The following MAP4K3 variants were observed in gnomAD, a reference collection of about 807,000 sequenced individuals.
MAP4K3 encodes mitogen-activated protein kinase kinase kinase kinase 3.
A neutral mutation model predicts 143.5 loss-of-function variants in MAP4K3; 94 were observed. The ratio of observed to expected loss-of-function variants is 0.65; its 90% CI spans 0.55 to 0.78. MAP4K3 has a LOEUF of 0.78. Ranked by LOEUF, MAP4K3 falls within the 30% of genes least tolerant of loss-of-function variation. The pLI is 0.00. For missense variants in MAP4K3, 1,077 were observed against 1,068.1 expected (o/e 1.01, Z -0.12); for synonymous variants, 416 against 347.2 (o/e 1.20, Z -2.20).
At chr2:39,273,734 C>G (rs1247725048) in intron 24 of MAP4K3, among the ~76,000 whole-genome samples, 1 of 152,306 alleles carries the variant, frequency 6.6e-6, no homozygotes, top group Non-Finnish European at 1.5e-5. Flanking sequence ...CTCCAAACAA[C>G]TAAAATGTGG....
intron 1 of MAP4K3, among the ~76,000 whole-genome samples, chr2:39,389,089 G>A (rs1340908976): frequency 6.6e-6 from 1 of 152,104 alleles, no homozygotes; most frequent in Non-Finnish European, 1.5e-5. Flanking sequence ...AAATACATAG[G>A]ACAGATTTTT....
chr2:39,276,995 T>A (rs1218222082), intron 24 of MAP4K3, among the ~76,000 whole-genome samples: 1 of 152,266 alleles, frequency 6.6e-6, no homozygotes, highest in African/African-American at 2.4e-5. Flanking sequence ...GTGAACTGTA[T>A]GATATGTGAA....
chr2:39,288,319 C>A (rs751704321), intron 19 of MAP4K3, 39 bp from the exon 20 acceptor site: 2 of 1,577,758 alleles, frequency 1.3e-6, no homozygotes, highest in South Asian at 1.1e-5. Flanking sequence ...AATGAAACAT[C>A]AAATTATTTT....
intron 1 of MAP4K3, among the ~76,000 whole-genome samples, chr2:39,429,596 G>A (rs936031382): frequency 3.3e-5 from 5 of 152,068 alleles, no homozygotes; most frequent in Admixed American, 1.3e-4. Flanking sequence ...GGGGAAGGTG[G>A]GTGTTGGGTA....
chr2:39,300,502 G>A (rs1290887205), intron 15 of MAP4K3, among the ~76,000 whole-genome samples: 2 of 152,164 alleles, frequency 1.3e-5, no homozygotes, highest in African/African-American at 4.8e-5. Flanking sequence ...TTGAGAAAAA[G>A]AAATGTGCTT....
chr2:39,297,293 TTTTTAA>T (rs1033263013), intron 16 of MAP4K3, among the ~76,000 whole-genome samples: 2 of 152,030 alleles, frequency 1.3e-5, no homozygotes, highest in African/African-American at 4.8e-5. Context: ...AATTTTTGTA[TTTTTAA>T]TAGAGACGGG....
chr2:39,418,485 C>A (rs1361681103), intron 1 of MAP4K3, among the ~76,000 whole-genome samples: 1 of 152,072 alleles, frequency 6.6e-6, no homozygotes, highest in African/African-American at 2.4e-5. Context: ...AACTTCTTAC[C>A]TCTTGAGTGT....
chr2:39,379,777 A>G (rs1666312235), intron 1 of MAP4K3: 1 of 168,878 alleles, frequency 5.9e-6, no homozygotes, highest in Non-Finnish European at 1.5e-5. Context: ...AGTATGGGTG[A>G]TTCTACTATG....
In MAP4K3 at chr2:39,279,223, C is replaced by T. The variant is rs992276371; in HGVS notation, c.1715-737G>A. Among the ~76,000 whole-genome samples, 19 of 152,152 alleles carry T rather than the reference C, an allele frequency of 1.2e-4. 1 individual carries two copies. The highest frequency in any genetic ancestry group is 1.1e-3 in the Admixed American group (17 of 15,276). ...AGACTAACTAGGCTAAACTGAAGTACGCTGAGAACAGTATAGAATGCTAAG... is the reference window on the plus strand; with the variant it reads ...AGACTAACTAGGCTAAACTGAAGTATGCTGAGAACAGTATAGAATGCTAAG... On this transcript the variant is annotated intron_variant, in intron 23 of 33. Coordinates refer to ENST00000263881, the MANE Select transcript of MAP4K3 (RefSeq NM_003618.4).
intron 1 of MAP4K3, among the ~76,000 whole-genome samples, chr2:39,396,022 G>C (rs574695384): frequency 6.6e-6 from 1 of 152,026 alleles, no homozygotes; most frequent in Non-Finnish European, 1.5e-5. Context: ...TACAGGTTTG[G>C]TTTTTGGGGT....
At chr2:39,368,086 T>C (rs964900361) in intron 2 of MAP4K3, among the ~76,000 whole-genome samples, 5 of 152,154 alleles carry the variant, frequency 3.3e-5, no homozygotes, top group Non-Finnish European at 7.4e-5. Flanking sequence ...CGAGTGGTTC[T>C]GATGGAAGGC....
chr2:39,348,627 C>A (rs951079421), intron 3 of MAP4K3, among the ~76,000 whole-genome samples: 1 of 152,112 alleles, frequency 6.6e-6, no homozygotes, highest in African/African-American at 2.4e-5. Context: ...CCCTAGGTAT[C>A]TGAATTGAAA....
rs1349345172 is a variant in MAP4K3 at position 39,250,676 on chromosome 2, T to A, written c.2627A>T (p.Asp876Val). Residue 876 changes from aspartate to valine, a missense_variant, in exon 34 of 34, where the codon GAT becomes GTT. This residue lies in a region of MAP4K3 where 864 missense variants were observed against 801.2 expected (regional missense o/e 1.08). Transcript: ENST00000263881. ...RVVVLESRPTDNPTANSNLYI... is the reference protein window; with the variant it reads ...RVVVLESRPTVNPTANSNLYI... ...CAAATTGCTATTTGCTGTGGGGTTATCAGTTGGCCTACTTTCCAAAACCAC... is the reference window on the plus strand; with the variant it reads ...CAAATTGCTATTTGCTGTGGGGTTAACAGTTGGCCTACTTTCCAAAACCAC... 6.2e-7 allele frequency: 1 copy of A among 1,613,830 alleles called. No homozygotes were observed. Among genetic ancestry groups the A allele is most frequent in the African/African-American group, 1.3e-5 (1 of 74,936 alleles).
At chr2:39,427,206 G>C (rs1665116184) in intron 1 of MAP4K3, among the ~76,000 whole-genome samples, 1 of 151,952 alleles carries the variant, frequency 6.6e-6, no homozygotes, top group Non-Finnish European at 1.5e-5. Context: ...CGTTAATTTA[G>C]AGTTCTATAC....
chr2:39,372,723 C>G (rs761865425), intron 2 of MAP4K3, among the ~76,000 whole-genome samples: 2 of 152,118 alleles, frequency 1.3e-5, no homozygotes, highest in Non-Finnish European at 2.9e-5. Flanking sequence ...GCTGAGAAAA[C>G]TGGATATCCA....
rs144781546 is a variant in MAP4K3, at chr2:39,288,722, T to C, written c.1315-442A>G. ...TCAATGTCTTTATGGTAATGCTTAA[T>C]CTTTCAGACCAGGGGCATGAGAGGA... On this transcript the variant is annotated intron_variant, in intron 19 of 33. Transcript: ENST00000263881. 3.6e-4 allele frequency among the ~76,000 whole-genome samples: 55 copies of C among 152,348 alleles called. No individual in the cohort carries two copies. In the East Asian group the frequency reaches 9.8e-3, roughly 27 times the overall value.
intron 15 of MAP4K3, among the ~76,000 whole-genome samples, chr2:39,301,829 C>T (rs1471923713): frequency 6.6e-6 from 1 of 152,088 alleles, no homozygotes; most frequent in Admixed American, 6.5e-5. Flanking sequence ...TCGAGATCAT[C>T]CTGGCCAACA....
chr2:39,322,614 GTGTATATA>G (rs1398487971), intron 12 of MAP4K3, among the ~76,000 whole-genome samples: 1 of 147,524 alleles, frequency 6.8e-6, no homozygotes, highest in African/African-American at 2.5e-5. Flanking sequence ...GTGTGTGTGT[GTGTATATA>G]TGTATATATA....
At chr2:39,300,445 A>C (rs1380262540) in intron 15 of MAP4K3, among the ~76,000 whole-genome samples, 1 of 152,220 alleles carries the variant, frequency 6.6e-6, no homozygotes, top group African/African-American at 2.4e-5. Flanking sequence ...GTTAAGAATT[A>C]ACATTTAAAA....
Sources: allele counts gnomAD v4.1 joint callset (sites outside exome capture counted in the v4.1 genomes callset), GRCh38; gene constraint gnomAD v4.1.1; regional missense constraint gnomAD v4.1.1; transcripts MANE v1.5; gene names NCBI Gene and HGNC (gene_info 2026-07-23, HGNC 2026-07-21).